The following ATXN3 variants were observed in gnomAD, a reference collection of about 807,000 sequenced individuals.
The protein encoded by ATXN3 is ataxin-3.
ATXN3 carries 28 observed loss-of-function variants against 58.2 expected under a neutral mutation model. That is an observed-to-expected ratio of 0.48 (90% CI 0.36 to 0.66). The LOEUF is 0.66. Among genes scored for constraint, ATXN3 ranks in the 30% least tolerant of loss-of-function variants. The pLI, the probability that ATXN3 is intolerant of heterozygous loss-of-function variation, is 0.00. For missense variants in ATXN3, 321 were observed against 422.1 expected (o/e 0.76, Z 2.10); for synonymous variants, 113 against 138.5 (o/e 0.82, Z 1.29).
intron 6 of ATXN3, among the ~76,000 whole-genome samples, chr14:92,087,118 A>G (rs2402105): frequency 0.28 from 43,008 of 152,096 alleles, 6,427 homozygotes; most frequent in East Asian, 0.44. Flanking sequence ...TAAAGACATA[A>G]GCTGTGAAAT....
Position 92,060,923 on chromosome 14 carries a change from G to A in ATXN3, c.*3397C>T, listed in dbSNP as rs2140192407. 6.6e-6 allele frequency: 1 copy of A among 152,032 alleles called. No individual in the cohort carries two copies. Among genetic ancestry groups the A allele is most frequent in the Admixed American group, 6.5e-5 (1 of 15,274 alleles). 9.4% of individuals were successfully genotyped at this position (152,032 alleles called of 1,614,324 possible). On this transcript the variant is annotated 3_prime_UTR_variant, in exon 11 of 11. Coordinates refer to ENST00000644486, the MANE Select transcript of ATXN3 (RefSeq NM_004993.6). ...AATTTTTGTAGTTTTTAGTACAGAT[G>A]GGGTTTCACCATTTTGGCCAAGCTG...
At chr14:92,076,455 G>GAAAAAAAAAAA (rs374353802) in intron 9 of ATXN3, among the ~76,000 whole-genome samples, 1 of 98,542 alleles carries the variant, frequency 1.0e-5, no homozygotes, top group Non-Finnish European at 2.1e-5. Context: ...TCTCAAAAAA[G>GAAAAAAAAAAA]AAAAAAAAAA....
At chr14:92,105,412 T>C (rs2068048121) in intron 1 of ATXN3, among the ~76,000 whole-genome samples, 1 of 152,192 alleles carries the variant, frequency 6.6e-6, no homozygotes, top group African/African-American at 2.4e-5. Context: ...TGAGACCCCA[T>C]CTTTAAAATA....
Position 92,083,678 on chromosome 14 carries a change from A to C in ATXN3, c.476-420T>G, listed in dbSNP as rs56148011. Among the ~76,000 whole-genome samples, 619 of 152,314 alleles carry C rather than the reference A, an allele frequency of 4.1e-3. 7 individuals are homozygous for C. Among genetic ancestry groups the C allele is most frequent in the African/African-American group, 0.014 (582 of 41,578 alleles). ...GCATTTGTCTTGGTTTCTACTGTTA[A>C]ACATATGATACTAGTACCTTCCTGT... On this transcript the variant is annotated intron_variant, in intron 6 of 10. Transcript: ENST00000644486.
At chr14:92,101,906 G>A (rs1369642275) in intron 1 of ATXN3, among the ~76,000 whole-genome samples, 1 of 151,386 alleles carries the variant, frequency 6.6e-6, no homozygotes, top group Non-Finnish European at 1.5e-5. Flanking sequence ...TGTAATCCCC[G>A]CACTTTGGGA....
intron 10 of ATXN3, among the ~76,000 whole-genome samples, chr14:92,070,192 A>G (rs2059178909): frequency 6.6e-6 from 1 of 152,138 alleles, no homozygotes; most frequent in South Asian, 2.1e-4. Flanking sequence ...GAGACCTGGA[A>G]AGTAACTCTG....
At chr14:92,093,033 GT>G (rs11160039) in intron 5 of ATXN3, among the ~76,000 whole-genome samples, 1,825 of 140,790 alleles carry the variant, frequency 0.013, 38 homozygotes, top group African/African-American at 0.042. Context: ...CTGGCTCTTT[GT>G]TTTTTTTTTT....
At chr14:92,101,690 T>C (rs1012995382) in intron 1 of ATXN3, among the ~76,000 whole-genome samples, 1 of 152,040 alleles carries the variant, frequency 6.6e-6, no homozygotes, top group Non-Finnish European at 1.5e-5. Flanking sequence ...AAACCCCGCC[T>C]CTACTAAAAA....
intron 1 of ATXN3, 173 bp from the exon 2 acceptor site, chr14:92,097,011 C>A: frequency 1.8e-6 from 1 of 551,082 alleles, no homozygotes; most frequent in Non-Finnish European, 3.2e-6. Flanking sequence ...GGGTTCATGC[C>A]ATTCTCCTGC....
chr14:92,060,271 T>TATATA lies in ATXN3; in HGVS notation c.*4048_*4049insTATAT, dbSNP rs397970086. On this transcript the variant is annotated 3_prime_UTR_variant, in exon 11 of 11. Transcript: ENST00000644486. Reference sequence around the variant, plus strand: ...ACACATATATATATATATATATATATTTTTTTTTTTCAGAAACAGTGTCTC... The same window carrying TATATA: ...ACACATATATATATATATATATATATATATATTTTTTTTTTCAGAAACAGTGTCTC... 1 of 86,554 alleles carries TATATA rather than the reference T, an allele frequency of 1.2e-5. No homozygotes were observed. Among genetic ancestry groups the TATATA allele is most frequent in the African/African-American group, 5.0e-5 (1 of 20,018 alleles). 5.4% of individuals were successfully genotyped at this position (86,554 alleles called of 1,614,324 possible).
At chr14:92,081,597 C>T (rs2061500497) in intron 8 of ATXN3, among the ~76,000 whole-genome samples, 2 of 151,216 alleles carry the variant, frequency 1.3e-5, no homozygotes, top group Middle Eastern at 7.0e-3. Context: ...TACTCAGAGG[C>T]ATGCATAGAG....
chr14:92,071,231 G>A (rs1332299881), intron 9 of ATXN3, 178 bp from the exon 10 acceptor site: 3 of 1,002,746 alleles, frequency 3.0e-6, no homozygotes, highest in Non-Finnish European at 4.5e-6. Flanking sequence ...TGGAAGTGCT[G>A]ATCTTAGGAA....
rs753669888 is a variant in ATXN3, at chr14:92,093,847, G to T, written c.235-16C>A. 3 of 1,541,464 alleles carry T rather than the reference G, an allele frequency of 1.9e-6. No homozygotes were observed. The South Asian group carries it at 3.4e-5, about 17-fold the overall frequency. The stretch of plus-strand genomic sequence containing the variant: ...TGCTTATAACCTGTTAAGAAAAATA[G>T]CAACTTTTCATAAGCTAAACCACTC... On this transcript the variant is annotated splice_polypyrimidine_tract_variant and intron_variant, in intron 3 of 10. Coordinates refer to ENST00000644486, the MANE Select transcript of ATXN3 (RefSeq NM_004993.6).
chr14:92,093,007 A>T (rs541018001), intron 5 of ATXN3, among the ~76,000 whole-genome samples: 2 of 150,526 alleles, frequency 1.3e-5, no homozygotes, highest in South Asian at 4.2e-4. Context: ...GGAATTACAG[A>T]TGTGAGCCAC....
At chr14:92,075,751 A>G (rs2060248018) in intron 9 of ATXN3, among the ~76,000 whole-genome samples, 2 of 152,238 alleles carry the variant, frequency 1.3e-5, no homozygotes, top group Admixed American at 6.5e-5. Flanking sequence ...CTAAGTAATC[A>G]GGAATTTTAG....
chr14:92,056,388 A>C (rs2057465218), downstream of ATXN3, among the ~76,000 whole-genome samples: 1 of 152,238 alleles, frequency 6.6e-6, no homozygotes, highest in South Asian at 2.1e-4. Context: ...TGGATAAATG[A>C]ATAAGCAAAA....
chr14:92,083,504 CTG>C (rs747415001), intron 6 of ATXN3: 4 of 608,318 alleles, frequency 6.6e-6, no homozygotes, highest in South Asian at 6.1e-5. Context: ...CATTGAGTGA[CTG>C]TGAGAAATAA....
chr14:92,075,314 G>A (rs929166779), intron 9 of ATXN3, among the ~76,000 whole-genome samples: 2 of 151,914 alleles, frequency 1.3e-5, no homozygotes, highest in African/African-American at 2.4e-5. Flanking sequence ...ACAGGCGCCC[G>A]CCACCATACT....
chr14:92,047,083 C>T (rs2057431199), intron 2 of ATXN3, among the ~76,000 whole-genome samples: 1 of 152,202 alleles, frequency 6.6e-6, no homozygotes, highest in South Asian at 2.1e-4. Context: ...TGAAGCCTTG[C>T]GGCAGTACAG....
Sources: gnomAD v4.1 joint callset for allele counts (sites outside exome capture counted in the v4.1 genomes callset) on GRCh38, gnomAD v4.1.1 for gene constraint, MANE v1.5 for transcripts, NCBI Gene and HGNC (gene_info 2026-07-23, HGNC 2026-07-21) for gene names.